MCTP2: variants seen among roughly 807,000 people sequenced by gnomAD.
MCTP2 encodes multiple C2 and transmembrane domain containing 2.
A neutral mutation model predicts 111.6 loss-of-function variants in MCTP2; 132 were observed. The ratio of observed to expected loss-of-function variants is 1.18; its 90% CI spans 1.03 to 1.37. MCTP2 has a LOEUF of 1.37. Among genes scored for constraint, MCTP2 ranks in the 40% most tolerant of loss-of-function variants. MCTP2 has a pLI of 0.00. For synonymous variants in MCTP2, 395 were observed against 387.7 expected (o/e 1.02, Z -0.22); for missense variants, 1,183 against 1,067.9 (o/e 1.11, Z -1.50).
chr15:94,245,356 GTA>G (rs200909576), intron 1 of MCTP2, among the ~76,000 whole-genome samples: 4,972 of 111,184 alleles, frequency 0.045, 166 homozygotes, highest in East Asian at 0.18. Flanking sequence ...ACATACATAT[GTA>G]TATATATTTA....
intron 4 of MCTP2, among the ~76,000 whole-genome samples, chr15:94,330,915 TG>T (rs138547030): frequency 0.036 from 5,502 of 151,988 alleles, 321 homozygotes; most frequent in African/African-American, 0.12. Flanking sequence ...CTGTATTTTT[TG>T]TAGAGGTTGG....
intron 21 of MCTP2, among the ~76,000 whole-genome samples, chr15:94,475,580 T>G (rs1278011428): frequency 6.6e-6 from 1 of 152,208 alleles, no homozygotes; most frequent in Non-Finnish European, 1.5e-5. Context: ...AAGCTAAGAA[T>G]TCATTCAGCG....
chr15:94,328,322 G>A (rs973249655), intron 4 of MCTP2, among the ~76,000 whole-genome samples: 6 of 152,062 alleles, frequency 3.9e-5, no homozygotes, highest in South Asian at 2.1e-4. Context: ...TAGAGACGGG[G>A]TTTCACTGTG....
At chr15:94,453,543 T>C (rs2084604815) in intron 19 of MCTP2, among the ~76,000 whole-genome samples, 1 of 152,230 alleles carries the variant, frequency 6.6e-6, no homozygotes, top group South Asian at 2.1e-4. Context: ...GGTAGGTGTA[T>C]GTTAAATATT....
At chr15:94,283,158 T>C (rs2074576802) in intron 1 of MCTP2, among the ~76,000 whole-genome samples, 1 of 152,132 alleles carries the variant, frequency 6.6e-6, no homozygotes, top group Admixed American at 6.5e-5. Flanking sequence ...CCTATGGCAG[T>C]GGCTGCTTGT....
rs372951324 is a variant in MCTP2 at position 94,250,827 on chromosome 15, C to T, written c.-66+19163C>T. Among the ~76,000 whole-genome samples the T allele has an allele frequency of 4.1e-4, 63 of 152,244 alleles. 2 individuals are homozygous for T. The highest frequency in any genetic ancestry group is 1.2e-3 in the Admixed American group (18 of 15,288). ...ACAATTTTAGTACAGAATTTATCTGCTCTGGGAAAAAGCTGTCTTCATTGT... is the reference window on the plus strand; with the variant it reads ...ACAATTTTAGTACAGAATTTATCTGTTCTGGGAAAAAGCTGTCTTCATTGT... On this transcript the variant is annotated intron_variant, in intron 1 of 22. Transcript: ENST00000357742.
intron 19 of MCTP2, 105 bp from the exon 20 acceptor site, chr15:94,458,028 GTCAC>G (rs1451634006): frequency 1.6e-6 from 1 of 639,422 alleles, no homozygotes; most frequent in Non-Finnish European, 2.8e-6. Context: ...TATCTCTTGT[GTCAC>G]TCTATTGGTA....
intron 19 of MCTP2, among the ~76,000 whole-genome samples, chr15:94,443,569 G>A (rs2083913389): frequency 7.2e-5 from 11 of 152,184 alleles, no homozygotes; most frequent in Admixed American, 7.2e-4. Context: ...CTGGGGCGAG[G>A]GATGGTAACA....
At chr15:94,355,480 T>C (rs2078567241) in intron 8 of MCTP2, among the ~76,000 whole-genome samples, 1 of 152,198 alleles carries the variant, frequency 6.6e-6, no homozygotes, top group Non-Finnish European at 1.5e-5. Flanking sequence ...GTAATATAAT[T>C]TAGCAAAGGA....
chr15:94,310,989 G>A (rs2076102491), intron 2 of MCTP2, among the ~76,000 whole-genome samples: 1 of 147,778 alleles, frequency 6.8e-6, no homozygotes, highest in East Asian at 2.0e-4. Flanking sequence ...AATCCACAGT[G>A]CTTGGTTACA....
At chr15:94,330,152 A>G (rs1374895910) in intron 4 of MCTP2, among the ~76,000 whole-genome samples, 1 of 152,214 alleles carries the variant, frequency 6.6e-6, no homozygotes, top group Admixed American at 6.5e-5. Flanking sequence ...AAGGCTGAAA[A>G]GTATTCCTCA....
At chr15:94,299,895 A>G (rs1352774257) in intron 2 of MCTP2, among the ~76,000 whole-genome samples, 3 of 152,208 alleles carry the variant, frequency 2.0e-5, no homozygotes, top group African/African-American at 7.2e-5. Context: ...ATATTAAGAC[A>G]CCATTACCCA....
chr15:94,441,173 A>G (rs1222183106), intron 18 of MCTP2, among the ~76,000 whole-genome samples: 1 of 152,174 alleles, frequency 6.6e-6, no homozygotes, highest in Non-Finnish European at 1.5e-5. Context: ...ATGTCCTCAT[A>G]ATGGATTTAA....
chr15:94,395,099 G>A (rs141330730), intron 14 of MCTP2, among the ~76,000 whole-genome samples: 1 of 152,270 alleles, frequency 6.6e-6, no homozygotes, highest in Non-Finnish European at 1.5e-5. Context: ...GATTCCAAGT[G>A]GTGACAAGAA....
chr15:94,378,107 G>T (rs200202787), intron 12 of MCTP2, among the ~76,000 whole-genome samples: 4 of 152,234 alleles, frequency 2.6e-5, no homozygotes, highest in East Asian at 3.9e-4. Flanking sequence ...GTTTATTCTG[G>T]CAGCTGTGAG....
At chr15:94,369,023 GT>G (rs1464371775) in intron 11 of MCTP2, among the ~76,000 whole-genome samples, 2 of 152,138 alleles carry the variant, frequency 1.3e-5, no homozygotes, top group Non-Finnish European at 2.9e-5. Context: ...CCCTGGATTT[GT>G]TTTTTAAGTT....
chr15:94,392,580 C>A (rs910969255), intron 14 of MCTP2, among the ~76,000 whole-genome samples: 1 of 151,858 alleles, frequency 6.6e-6, no homozygotes, highest in Non-Finnish European at 1.5e-5. Flanking sequence ...TTTGGGAGGC[C>A]GAGCCAGGTG....
At position 94,470,370 on chromosome 15, in the gene MCTP2, G is replaced by T. The variant is rs754803395; in HGVS notation, c.2398G>T (p.Ala800Ser). The change falls in exon 21 of 23, where the codon GCC (alanine) becomes TCC (serine). Residue 800 changes from alanine to serine, a missense_variant. Ala to Ser is a moderately conservative substitution (Grantham distance 99). Transcript: ENST00000357742. ...GACGGTCCCCTTCCTTTCATCTCTG[G>T]CCTGTTTGATTCTGGCAGCAGCCAC... Reference protein sequence around the residue: ...NWTVPFLSSLACLILAAATII... With the variant: ...NWTVPFLSSLSCLILAAATII... The T allele has an allele frequency of 6.2e-7, 1 of 1,613,764 alleles. No individual in the cohort carries two copies. The highest frequency in any genetic ancestry group is 1.1e-5 in the South Asian group (1 of 91,066).
chr15:94,425,370 G>T (rs1156433059), intron 17 of MCTP2, among the ~76,000 whole-genome samples: 1 of 152,044 alleles, frequency 6.6e-6, no homozygotes, highest in Non-Finnish European at 1.5e-5. Flanking sequence ...TCTTCTTCAA[G>T]AATGTCTTGG....
Sources: allele counts gnomAD v4.1 joint callset (sites outside exome capture counted in the v4.1 genomes callset), GRCh38; gene constraint gnomAD v4.1.1; transcripts MANE v1.5; gene names NCBI Gene and HGNC (gene_info 2026-07-23, HGNC 2026-07-21).